Variants in ITGAE observed in about 807,000 individuals in gnomAD.
ITGAE encodes the protein integrin subunit alpha E.
In ITGAE, 99 loss-of-function variants were observed where a neutral mutation model predicts 136.5. That is an observed-to-expected ratio of 0.73 (90% confidence interval 0.62 to 0.86). The LOEUF (loss-of-function observed/expected upper bound fraction) is 0.86. Among genes scored for constraint, ITGAE ranks in the 40% least tolerant of loss-of-function variants. ITGAE has a pLI of 0.00. For missense variants in ITGAE, 1,447 were observed against 1,515.3 expected, an observed-to-expected ratio of 0.95 and a Z score of 0.75; for synonymous variants, 613 against 591.8, an observed-to-expected ratio of 1.04 and a Z score of -0.52.
At chr17:3,747,541 C>T (rs772626134) in intron 17 of ITGAE, among the ~76,000 whole-genome samples, 2 of 152,108 alleles carry the variant, frequency 1.3e-5, no homozygotes, top group Non-Finnish European at 2.9e-5. Flanking sequence ...GATCTCCTGA[C>T]CGCGTGATCT....
intron 1 of ITGAE, among the ~76,000 whole-genome samples, chr17:3,791,068 T>C (rs1039061773): frequency 6.9e-6 from 1 of 144,598 alleles, no homozygotes; most frequent in Non-Finnish European, 1.5e-5. Flanking sequence ...GGCAGGAGAA[T>C]GGCGTGAACC....
At chr17:3,757,193 G>A in intron 9 of ITGAE, 59 bp from the exon 10 acceptor site, 2 of 1,583,488 alleles carry the variant, frequency 1.3e-6, no homozygotes, top group Non-Finnish European at 1.7e-6. Context: ...GGCCCAGGGA[G>A]AGAGCTGAGC....
intron 1 of ITGAE, among the ~76,000 whole-genome samples, chr17:3,783,154 T>G (rs1306484544): frequency 6.6e-6 from 1 of 152,208 alleles, no homozygotes; most frequent in Non-Finnish European, 1.5e-5. Flanking sequence ...TATTTTTATT[T>G]TTTTGAGATG....
At chr17:3,724,995 C>T in intron 26 of ITGAE, 1 of 1,614,192 alleles carries the variant, frequency 6.2e-7, no homozygotes, top group Non-Finnish European at 8.5e-7. Flanking sequence ...CCTCCATTCC[C>T]ACCGCTTTAA....
At chr17:3,770,752 GGGA>G (rs1364423709) in intron 2 of ITGAE, among the ~76,000 whole-genome samples, 1 of 152,160 alleles carries the variant, frequency 6.6e-6, no homozygotes, top group Non-Finnish European at 1.5e-5. Flanking sequence ...CAGGTGTTCA[GGGA>G]GCCCCGCTGG....
chr17:3,797,974 C>G (rs1287258469), intron 1 of ITGAE, among the ~76,000 whole-genome samples: 1 of 152,214 alleles, frequency 6.6e-6, no homozygotes, highest in African/African-American at 2.4e-5. Context: ...CCAAGCTCCC[C>G]CAGGCCGGCA....
intron 12 of ITGAE, among the ~76,000 whole-genome samples, chr17:3,754,414 G>A (rs941085217): frequency 2.0e-5 from 3 of 152,166 alleles, no homozygotes; most frequent in African/African-American, 7.2e-5. Flanking sequence ...TGGGACTACA[G>A]GCATCCGCCA....
intron 23 of ITGAE, among the ~76,000 whole-genome samples, chr17:3,729,890 T>C (rs1260379257): frequency 6.6e-6 from 1 of 152,068 alleles, no homozygotes; most frequent in Non-Finnish European, 1.5e-5. Flanking sequence ...CCACTGCGCC[T>C]GGCTATTTTT....
At chr17:3,775,203 G>A (rs1217448534) in intron 2 of ITGAE, among the ~76,000 whole-genome samples, 6 of 152,030 alleles carry the variant, frequency 3.9e-5, no homozygotes, top group Admixed American at 2.0e-4. Flanking sequence ...CACCCGCCTT[G>A]ACCTCCCAAA....
intron 28 of ITGAE, among the ~76,000 whole-genome samples, chr17:3,722,148 C>T (rs1390859701): frequency 6.7e-6 from 1 of 149,952 alleles, no homozygotes; most frequent in East Asian, 2.0e-4. Flanking sequence ...CATTGCACAA[C>T]AAGAGCGAAA....
At chr17:3,769,167 G>A (rs1597350974) in intron 2 of ITGAE, among the ~76,000 whole-genome samples, 1 of 151,844 alleles carries the variant, frequency 6.6e-6, no homozygotes, top group African/African-American at 2.4e-5. Flanking sequence ...GCCTGGACCC[G>A]CCTCCAGTCT....
At chr17:3,731,382 C>T (rs2051340088) in intron 22 of ITGAE, among the ~76,000 whole-genome samples, 199 bp from the exon 23 acceptor site, 1 of 147,570 alleles carries the variant, frequency 6.8e-6, no homozygotes, top group African/African-American at 2.5e-5. Context: ...CGCTCTGTCA[C>T]CCAGGATGGA....
At chr17:3,786,078 A>G (rs2052789654) in intron 1 of ITGAE, among the ~76,000 whole-genome samples, 2 of 151,250 alleles carry the variant, frequency 1.3e-5, no homozygotes, top group Admixed American at 6.6e-5. Context: ...GAGGCAGGAG[A>G]ATGGCGTGAA....
Position 3,783,007 on chromosome 17 carries a change from G to A in ITGAE, c.35-5347C>T, listed in dbSNP as rs189059648. ...CTGCTTTTGCTGATGTATGTCGATT[G>A]AGATGGCTGAAGATTCTATGATTCT... On this transcript the variant is annotated intron_variant, in intron 1 of 30. Transcript: ENST00000263087. Among the ~76,000 whole-genome samples the A allele has an allele frequency of 1.5e-4, 23 of 152,336 alleles. No homozygotes were observed. The East Asian group carries it at 3.3e-3, about 22-fold the overall frequency.
At chr17:3,774,610 A>C (rs1471402930) in intron 2 of ITGAE, among the ~76,000 whole-genome samples, 1 of 151,994 alleles carries the variant, frequency 6.6e-6, no homozygotes, top group Admixed American at 6.6e-5. Context: ...CTAAAAATAC[A>C]AAAAATTAGC....
rs569979785 is a variant in ITGAE at position 3,726,396 on chromosome 17, C to T, written c.3084+1523G>A. The stretch of plus-strand genomic sequence containing the variant: ...GGTCTTGAAGCCTCTGGTGCTGTTT[C>T]AACCTCCATCCCCACAGGAGGGTGG... On this transcript the variant is annotated intron_variant, in intron 26 of 30. Transcript: ENST00000263087. The T allele has an allele frequency of 9.9e-5, 113 of 1,143,736 alleles. No homozygotes were observed. The South Asian group carries it at 1.6e-3, about 16-fold the overall frequency. 70.8% of individuals were successfully genotyped at this position (1,143,736 alleles called of 1,614,324 possible).
Position 3,761,121 on chromosome 17 carries a change from C to G in ITGAE, c.490G>C (p.Glu164Gln), listed in dbSNP as rs1203577963. The G allele has an allele frequency of 2.5e-6, 4 of 1,613,382 alleles. No homozygotes were observed. Among genetic ancestry groups the G allele is most frequent in the Non-Finnish European group, 2.5e-6 (3 of 1,180,034 alleles). The part of the protein sequence containing the change: ...VDTGDCYSNK[E>Q]GGGEDDVNTA... The stretch of plus-strand genomic sequence containing the variant: ...TTCACATCGTCTTCTCCACCGCCTT[C>G]TTTGTTGCTGTAGCAGTCTCCAGTG... The change falls in exon 6 of 31, where the codon GAA becomes CAA. Residue 164 changes from glutamate (E) to glutamine (Q), a missense_variant. Physicochemically the swap from Glu to Gln is conservative, Grantham distance 29 (BLOSUM62 2). This residue lies in a region of ITGAE where 310 missense variants were observed against 416.1 expected (regional missense o/e 0.74). Coordinates refer to ENST00000263087, the MANE Select transcript of ITGAE (RefSeq NM_002208.5).
chr17:3,737,706 A>G (rs1380377540), intron 20 of ITGAE, among the ~76,000 whole-genome samples: 1 of 152,168 alleles, frequency 6.6e-6, no homozygotes, highest in African/African-American at 2.4e-5. Context: ...GAATGCCAAA[A>G]TTTATGTATG....
intron 2 of ITGAE, among the ~76,000 whole-genome samples, chr17:3,766,792 A>AAATAATAATAATAATAATAATAAT (rs146384772): frequency 7.3e-6 from 1 of 136,918 alleles, no homozygotes; most frequent in African/African-American, 2.7e-5. Flanking sequence ...AAAGAGTGCA[A>AAATAATAATAATAATAATAATAAT]AATAATAATA....
Sources: gnomAD v4.1 joint callset for allele counts (sites outside exome capture counted in the v4.1 genomes callset) on GRCh38, gnomAD v4.1.1 for gene constraint, gnomAD v4.1.1 regional missense constraint, MANE v1.5 for transcripts, NCBI Gene and HGNC (gene_info 2026-07-23, HGNC 2026-07-21) for gene names.